PPP1R42: variants seen among roughly 807,000 people sequenced by gnomAD.
PPP1R42 encodes protein phosphatase 1 regulatory subunit 42, also known as leucine rich repeat containing 67.
A neutral mutation model predicts 31.0 loss-of-function variants in PPP1R42; 34 were observed. The ratio of observed to expected loss-of-function variants is 1.10; its 90% confidence interval spans 0.83 to 1.46. The LOEUF (loss-of-function observed/expected upper bound fraction) is 1.46. PPP1R42 is among the 40% of genes most tolerant of loss of function. The probability of loss-of-function intolerance (pLI) is 0.00; values close to 1 mark genes in which losing one functional copy is unlikely to be tolerated. For synonymous variants in PPP1R42, 103 were observed against 109.8 expected (o/e 0.94, Z 0.39); for missense variants, 268 against 303.0 (o/e 0.88, Z 0.86).
At chr8:67,004,780 G>C (rs977783009) in intron 5 of PPP1R42, among the ~76,000 whole-genome samples, 1 of 152,044 alleles carries the variant, frequency 6.6e-6, no homozygotes, top group Non-Finnish European at 1.5e-5. Context: ...CTTTTCAGAG[G>C]TCTCCTAATC....
chr8:67,028,120 T>C (rs1402200564), intron 1 of PPP1R42, among the ~76,000 whole-genome samples: 1 of 152,190 alleles, frequency 6.6e-6, no homozygotes, highest in African/African-American at 2.4e-5. Context: ...TTAGTATCTA[T>C]ACTTCCACTT....
chr8:66,982,645 A>G (rs1585642732), intron 6 of PPP1R42, among the ~76,000 whole-genome samples: 1 of 152,274 alleles, frequency 6.6e-6, no homozygotes, highest in East Asian at 1.9e-4. Context: ...TTTAGTAGAG[A>G]CAAGGTCTTG....
At chr8:66,993,910 A>G (rs1815261404) in intron 5 of PPP1R42, among the ~76,000 whole-genome samples, 1 of 152,226 alleles carries the variant, frequency 6.6e-6, no homozygotes, top group Admixed American at 6.5e-5. Flanking sequence ...CAGGAATTAT[A>G]GGGAGAAATA....
rs142726932 is a variant in PPP1R42 at position 66,987,589 on chromosome 8, G to A, written c.670+811C>T. Among the ~76,000 whole-genome samples, 466 of 152,266 alleles carry A rather than the reference G, an allele frequency of 3.1e-3. 3 individuals are homozygous for A. Among genetic ancestry groups the A allele is most frequent in the African/African-American group, 0.01 (421 of 41,542 alleles). ...ACACAGGCGTGAGCCACCGCGCCCGGCCTCAAATGTTCTTATTTGAAGTTA... is the reference window on the plus strand; with the variant it reads ...ACACAGGCGTGAGCCACCGCGCCCGACCTCAAATGTTCTTATTTGAAGTTA... On this transcript the variant is annotated intron_variant, in intron 6 of 7. Coordinates refer to ENST00000685739, the MANE Select transcript of PPP1R42 (RefSeq NM_001364910.1).
chr8:67,016,055 A>C (rs908275626), intron 2 of PPP1R42, among the ~76,000 whole-genome samples: 1 of 152,184 alleles, frequency 6.6e-6, no homozygotes, highest in African/African-American at 2.4e-5. Context: ...GTAGTCTTAC[A>C]TGATATGATG....
In PPP1R42 at chr8:67,010,825, G is replaced by A; in HGVS notation, c.442C>T (p.Leu148Phe). 6.3e-7 allele frequency: 1 copy of A among 1,579,146 alleles called. No individual in the cohort carries two copies. Among genetic ancestry groups the A allele is most frequent in the Non-Finnish European group, 8.6e-7 (1 of 1,162,848 alleles). Residue 148 changes from leucine (L) to phenylalanine (F), a missense_variant, in exon 5 of 8, where the codon CTC becomes TTC. Physicochemically the swap from Leu to Phe is conservative, Grantham distance 22. Coordinates refer to ENST00000685739, the MANE Select transcript of PPP1R42 (RefSeq NM_001364910.1). ...TTATTGCTGATATTCAATATACAGA[G>A]GGATTTCTGTAAGAAAAATAACGAA... is the stretch of plus-strand genomic sequence containing the variant. ...PRTLHSLAKS[L>F]CILNISNNNI...
intron 4 of PPP1R42, 81 bp from the exon 5 acceptor site, chr8:67,010,912 A>C (rs1409928686): frequency 7.5e-7 from 1 of 1,333,804 alleles, no homozygotes; most frequent in East Asian, 2.5e-5. Flanking sequence ...ATCTTTGAAA[A>C]GTTTAAGCTT....
chr8:66,983,707 C>T (rs1814915572), intron 6 of PPP1R42, among the ~76,000 whole-genome samples: 1 of 151,990 alleles, frequency 6.6e-6, no homozygotes, highest in African/African-American at 2.4e-5. Context: ...TAAACATGAG[C>T]CATAATACTG....
At chr8:66,968,380 C>T (rs1225468067) in intron 7 of PPP1R42, 1 of 673,386 alleles carries the variant, frequency 1.5e-6, no homozygotes, top group Non-Finnish European at 1.8e-6. Context: ...TGTGTAGAAC[C>T]CTAAAGGAGT....
At chr8:67,025,705 G>A (rs984323318) in intron 1 of PPP1R42, among the ~76,000 whole-genome samples, 1 of 151,986 alleles carries the variant, frequency 6.6e-6, no homozygotes, top group African/African-American at 2.4e-5. Context: ...TGCATACTAA[G>A]TTAGAAAAAG....
At chr8:66,983,957 G>T (rs1207046041) in intron 6 of PPP1R42, among the ~76,000 whole-genome samples, 2 of 152,058 alleles carry the variant, frequency 1.3e-5, no homozygotes, top group African/African-American at 4.8e-5. Context: ...CACATAAGGG[G>T]AATAAAGGGC....
At chr8:66,979,503 T>C (rs1410229747) in intron 7 of PPP1R42, among the ~76,000 whole-genome samples, 4 of 152,200 alleles carry the variant, frequency 2.6e-5, no homozygotes, top group Admixed American at 2.0e-4. Context: ...ACATATGTTC[T>C]TGGCACCTTG....
intron 4 of PPP1R42, among the ~76,000 whole-genome samples, chr8:67,011,933 G>A (rs1220173336): frequency 6.6e-6 from 1 of 152,016 alleles, no homozygotes; most frequent in Non-Finnish European, 1.5e-5. Flanking sequence ...TATAAATTTG[G>A]GTCAAAATCC....
intron 5 of PPP1R42, among the ~76,000 whole-genome samples, chr8:66,990,909 T>C (rs1481821572): frequency 6.6e-6 from 1 of 152,142 alleles, no homozygotes; most frequent in East Asian, 1.9e-4. Flanking sequence ...TGAGCAGAGG[T>C]TGAATAAATT....
chr8:66,987,287 C>CTTTTT (rs71249412), intron 6 of PPP1R42, among the ~76,000 whole-genome samples: 17 of 106,008 alleles, frequency 1.6e-4, no homozygotes, highest in African/African-American at 4.2e-4. Context: ...AGCAAATGAT[C>CTTTTT]TTTTTTTTTT....
At chr8:66,976,280 G>T (rs1423990524) in intron 7 of PPP1R42, among the ~76,000 whole-genome samples, 1 of 152,074 alleles carries the variant, frequency 6.6e-6, no homozygotes, top group African/African-American at 2.4e-5. Context: ...CTGACTCTGC[G>T]TTATGGTGAA....
At chr8:66,982,310 A>G (rs902775458) in intron 6 of PPP1R42, 130 bp from the exon 7 acceptor site, 1 of 434,362 alleles carries the variant, frequency 2.3e-6, no homozygotes, top group Non-Finnish European at 3.9e-6. Flanking sequence ...TTTTTAAAAT[A>G]CATTAATTAT....
intron 6 of PPP1R42, chr8:66,985,723 T>G: frequency 3.8e-6 from 5 of 1,321,758 alleles, no homozygotes; most frequent in Non-Finnish European, 5.5e-6. Flanking sequence ...AGTCTTTGGC[T>G]GAGGTGTAGG....
At chr8:66,980,841 G>GTTCTT (rs1814807943) in intron 7 of PPP1R42, among the ~76,000 whole-genome samples, 1 of 151,768 alleles carries the variant, frequency 6.6e-6, no homozygotes, top group Admixed American at 6.6e-5. Flanking sequence ...TCTGTGGTCA[G>GTTCTT]TTCTTTTTTT....
Sources: gnomAD v4.1 joint callset for allele counts (sites outside exome capture counted in the v4.1 genomes callset) on GRCh38, gnomAD v4.1.1 for gene constraint, MANE v1.5 for transcripts, NCBI Gene and HGNC (gene_info 2026-07-23, HGNC 2026-07-21) for gene names.